Variants in ADAM32 observed in about 807,000 individuals in gnomAD.
The protein encoded by ADAM32 is ADAM metallopeptidase domain 32, also known as disintegrin and metalloproteinase domain-containing protein 32.
A neutral mutation model predicts 114.9 loss-of-function variants in ADAM32; 89 were observed. That is an observed-to-expected ratio of 0.77 (90% CI 0.65 to 0.92). ADAM32 has a LOEUF of 0.92. ADAM32 is among the 40% of genes least tolerant of loss of function. ADAM32 has a pLI of 0.00. For synonymous variants in ADAM32, 285 were observed against 307.5 expected, an observed-to-expected ratio of 0.93 and a Z score of 0.77; for missense variants, 870 against 932.8, an observed-to-expected ratio of 0.93 and a Z score of 0.88.
intron 3 of ADAM32, among the ~76,000 whole-genome samples, chr8:39,143,845 C>T (rs921594148): frequency 3.3e-5 from 5 of 152,312 alleles, no homozygotes; most frequent in Non-Finnish European, 7.4e-5. Context: ...TAGTAGGCCT[C>T]GCTGAGCTGT....
chr8:39,149,349 T>C (rs1201595460), intron 4 of ADAM32, among the ~76,000 whole-genome samples: 1 of 152,158 alleles, frequency 6.6e-6, no homozygotes, highest in African/African-American at 2.4e-5. Context: ...ATTTCCTCTC[T>C]TAGTGCAAAT....
At chr8:39,126,086 T>C (rs74217962) in intron 2 of ADAM32, among the ~76,000 whole-genome samples, 35,308 of 152,072 alleles carry the variant, frequency 0.23, 4,766 homozygotes, top group Non-Finnish European at 0.29. Flanking sequence ...TTTGAGGTCA[T>C]GTAGCATGAT....
chr8:39,230,963 T>C (rs1809698195), intron 14 of ADAM32, among the ~76,000 whole-genome samples: 3 of 152,166 alleles, frequency 2.0e-5, no homozygotes. Flanking sequence ...GTAGGTAGAA[T>C]CCTAAAGTGA....
At chr8:39,254,910 T>C (rs1055201131) in intron 18 of ADAM32, among the ~76,000 whole-genome samples, 3 of 151,888 alleles carry the variant, frequency 2.0e-5, no homozygotes, top group Non-Finnish European at 1.5e-5. Context: ...ATCATTCTTA[T>C]GCCTTTGTGT....
At chr8:39,273,392 T>C (rs1332762943) in intron 20 of ADAM32, among the ~76,000 whole-genome samples, 3 of 152,062 alleles carry the variant, frequency 2.0e-5, no homozygotes, top group Non-Finnish European at 4.4e-5. Context: ...CCAGGCGTGG[T>C]GGCACATGCC....
intron 19 of ADAM32, among the ~76,000 whole-genome samples, chr8:39,261,999 A>C (rs1267519006): frequency 6.6e-6 from 1 of 152,118 alleles, no homozygotes; most frequent in Admixed American, 6.5e-5. Flanking sequence ...TTGTCTTTTC[A>C]CTATGCTGAT....
chr8:39,205,274 C>A (rs190461686), intron 11 of ADAM32, among the ~76,000 whole-genome samples: 30 of 152,316 alleles, frequency 2.0e-4, no homozygotes, highest in African/African-American at 7.2e-4. Context: ...GTGGGCTCCA[C>A]CCAGTTTGAG....
At chr8:39,115,433 T>C (rs1395673128) in intron 1 of ADAM32, among the ~76,000 whole-genome samples, 1 of 152,230 alleles carries the variant, frequency 6.6e-6, no homozygotes, top group Non-Finnish European at 1.5e-5. Context: ...CTATTATTTT[T>C]TGACTTTTTA....
intron 6 of ADAM32, among the ~76,000 whole-genome samples, chr8:39,160,315 C>T (rs899022257): frequency 2.6e-5 from 4 of 152,042 alleles, no homozygotes; most frequent in African/African-American, 4.8e-5. Flanking sequence ...CCAAGGCGGG[C>T]GGATCGCGAG....
At chr8:39,263,592 C>A (rs1812177950) in intron 19 of ADAM32, among the ~76,000 whole-genome samples, 1 of 151,960 alleles carries the variant, frequency 6.6e-6, no homozygotes. Context: ...TTTACATATC[C>A]TGAAATTCAT....
At position 39,275,616 on chromosome 8, in the gene ADAM32, G is replaced by A. The variant is rs187935325; in HGVS notation, c.2241-212G>A. Among the ~76,000 whole-genome samples, 285 of 152,288 alleles carry A rather than the reference G, an allele frequency of 1.9e-3. 1 individual carries two copies. The highest frequency in any genetic ancestry group is 6.6e-3 in the African/African-American group (276 of 41,568). On this transcript the variant is annotated intron_variant, in intron 21 of 24. Coordinates refer to ENST00000379907, the MANE Select transcript of ADAM32 (RefSeq NM_145004.7). ...TGTTCCTCTGCTTAGTTGAATATTT[G>A]AAATTTAAACTTTTTATGGACATTG...
At chr8:39,175,159 T>G (rs1233103622) in intron 10 of ADAM32, among the ~76,000 whole-genome samples, 1 of 151,794 alleles carries the variant, frequency 6.6e-6, no homozygotes, top group Non-Finnish European at 1.5e-5. Context: ...TCTCTTTCTA[T>G]TTGAATTCCC....
At chr8:39,130,925 G>A (rs1211269183) in intron 2 of ADAM32, 12 of 440,572 alleles carry the variant, frequency 2.7e-5, no homozygotes, top group East Asian at 1.4e-4. Context: ...CTATAATCCC[G>A]GCATTTTGGG....
intron 19 of ADAM32, among the ~76,000 whole-genome samples, chr8:39,263,914 A>T (rs1812194354): frequency 1.3e-5 from 2 of 152,188 alleles, no homozygotes; most frequent in African/African-American, 4.8e-5. Context: ...TATATAGTTG[A>T]TATACAATAA....
intron 11 of ADAM32, among the ~76,000 whole-genome samples, chr8:39,193,251 C>T (rs886741273): frequency 9.2e-5 from 14 of 152,154 alleles, no homozygotes; most frequent in African/African-American, 3.4e-4. Context: ...GAAAGCCAGT[C>T]TTCAAGCTCC....
At chr8:39,125,179 A>G (rs1238215832) in intron 2 of ADAM32, among the ~76,000 whole-genome samples, 2 of 152,004 alleles carry the variant, frequency 1.3e-5, no homozygotes, top group African/African-American at 4.8e-5. Flanking sequence ...CCTTCGCCCA[A>G]TTTTTAATGG....
chr8:39,194,218 C>T (rs28887526), intron 11 of ADAM32, among the ~76,000 whole-genome samples: 33 of 151,888 alleles, frequency 2.2e-4, no homozygotes, highest in African/African-American at 6.3e-4. Context: ...TGCACACTCG[C>T]GTGGTTAGCA....
chr8:39,133,716 G>C (rs1435577986), intron 2 of ADAM32, among the ~76,000 whole-genome samples: 1 of 152,212 alleles, frequency 6.6e-6, no homozygotes, highest in East Asian at 1.9e-4. Flanking sequence ...CATTTTCCAG[G>C]CTCCTGGGAG....
chr8:39,224,666 T>C (rs1206209362), intron 14 of ADAM32, among the ~76,000 whole-genome samples: 1 of 152,194 alleles, frequency 6.6e-6, no homozygotes, highest in African/African-American at 2.4e-5. Context: ...ATTATATATA[T>C]GATCTGCAAA....
Sources: gnomAD v4.1 joint callset for allele counts (sites outside exome capture counted in the v4.1 genomes callset) on GRCh38, gnomAD v4.1.1 for gene constraint, MANE v1.5 for transcripts, NCBI Gene and HGNC (gene_info 2026-07-23, HGNC 2026-07-21) for gene names.